Variants in TMEM135 observed in about 807,000 individuals in gnomAD.
TMEM135 encodes peroxisomal membrane protein 52.
In TMEM135, 30 loss-of-function variants were observed where a neutral mutation model predicts 60.3. The observed-to-expected ratio is 0.50, with a 90% CI of 0.37 to 0.68. The LOEUF is 0.68. Among genes scored for constraint, TMEM135 ranks in the 30% least tolerant of loss-of-function variants. TMEM135 has a pLI of 0.00. For synonymous variants in TMEM135, 190 were observed against 186.7 expected (o/e 1.02, Z -0.14); for missense variants, 468 against 548.8 (o/e 0.85, Z 1.47).
At chr11:87,068,539 G>C (rs79153954) in intron 2 of TMEM135, among the ~76,000 whole-genome samples, 1 of 152,058 alleles carries the variant, frequency 6.6e-6, no homozygotes, top group African/African-American at 2.4e-5. Flanking sequence ...GACCGGGCGC[G>C]GTGGCTCACG....
intron 1 of TMEM135, 148 bp from the exon 2 acceptor site, chr11:87,067,546 C>A: frequency 9.7e-7 from 1 of 1,031,458 alleles, no homozygotes. Context: ...CTATCCTGAA[C>A]ATTGTATTTT....
chr11:87,125,583 G>A (rs564877), intron 4 of TMEM135, among the ~76,000 whole-genome samples: 72,471 of 152,076 alleles, frequency 0.48, 17,564 homozygotes, highest in East Asian at 0.67. Context: ...AAATGAGGTT[G>A]GAAAGATAGA....
intron 6 of TMEM135, among the ~76,000 whole-genome samples, chr11:87,276,061 T>A (rs1941960948): frequency 6.6e-6 from 1 of 152,202 alleles, no homozygotes; most frequent in Non-Finnish European, 1.5e-5. Context: ...ATTTTTTGCA[T>A]TTTAAAATCA....
intron 3 of TMEM135, among the ~76,000 whole-genome samples, chr11:87,076,348 A>G (rs1856872524): frequency 6.6e-6 from 1 of 152,146 alleles, no homozygotes; most frequent in South Asian, 2.1e-4. Context: ...CTGACTGGCC[A>G]CTGCTGATGT....
At chr11:87,194,653 T>C (rs1243243241) in intron 5 of TMEM135, among the ~76,000 whole-genome samples, 1 of 152,176 alleles carries the variant, frequency 6.6e-6, no homozygotes, top group Non-Finnish European at 1.5e-5. Flanking sequence ...GCCTTCTTGT[T>C]CCTAATTTAT....
In TMEM135 at chr11:87,239,762, T is replaced by G. The variant is rs1044977352; in HGVS notation, c.509+3078T>G. 7.3e-5 allele frequency among the ~76,000 whole-genome samples: 11 copies of G among 151,526 alleles called. No homozygotes were observed. The South Asian group carries it at 1.9e-3, about 26-fold the overall frequency. ...AAGAAAATATGCCAGTTTTTTTTTT[T>G]TCAAAGAAAGAACTTGAGAAGTAGT... is the stretch of plus-strand genomic sequence containing the variant. On this transcript the variant is annotated intron_variant, in intron 6 of 14. Coordinates refer to ENST00000305494, the MANE Select transcript of TMEM135 (RefSeq NM_022918.4).
intron 1 of TMEM135, among the ~76,000 whole-genome samples, chr11:87,039,127 T>C (rs1305122325): frequency 6.6e-6 from 1 of 152,224 alleles, no homozygotes; most frequent in East Asian, 1.9e-4. Flanking sequence ...TTATTTCTCA[T>C]TGAAGTAATT....
intron 6 of TMEM135, among the ~76,000 whole-genome samples, chr11:87,271,356 C>T (rs924345376): frequency 2.0e-5 from 3 of 152,042 alleles, no homozygotes; most frequent in African/African-American, 4.8e-5. Flanking sequence ...ATTTTATTAC[C>T]ACCCTATGAA....
At chr11:87,162,276 G>C (rs868040172) in intron 5 of TMEM135, among the ~76,000 whole-genome samples, 5 of 151,806 alleles carry the variant, frequency 3.3e-5, no homozygotes, top group South Asian at 2.1e-4. Context: ...GAACGTGCAG[G>C]TTTGTTGCAT....
chr11:87,259,223 T>C (rs570864840), intron 6 of TMEM135: 26 of 477,028 alleles, frequency 5.5e-5, no homozygotes, highest in African/African-American at 4.2e-4. Flanking sequence ...TTGGGAGCAA[T>C]TCCTCCGGGG....
At chr11:87,189,345 G>T (rs1196849100) in intron 5 of TMEM135, among the ~76,000 whole-genome samples, 1 of 152,038 alleles carries the variant, frequency 6.6e-6, no homozygotes, top group African/African-American at 2.4e-5. Flanking sequence ...ATTTTTAGTA[G>T]AGACGGGGTT....
chr11:87,112,938 C>G lies in TMEM135; in HGVS notation c.396+21543C>G, dbSNP rs78363187. Among the ~76,000 whole-genome samples, 1,130 of 151,946 alleles carry G rather than the reference C, an allele frequency of 7.4e-3. 15 individuals carry two copies. Among genetic ancestry groups the G allele is most frequent in the African/African-American group, 0.025 (1,039 of 41,460 alleles). ...GAAATGATTAATTGAGGAATTATGCCTAGATGTATCCTATAATGCATAGAT... is the reference window on the plus strand; with the variant it reads ...GAAATGATTAATTGAGGAATTATGCGTAGATGTATCCTATAATGCATAGAT... On this transcript the variant is annotated intron_variant, in intron 4 of 14. Coordinates refer to ENST00000305494, the MANE Select transcript of TMEM135 (RefSeq NM_022918.4).
chr11:87,118,015 A>G (rs1472583088), intron 4 of TMEM135, among the ~76,000 whole-genome samples: 1 of 152,210 alleles, frequency 6.6e-6, no homozygotes, highest in Admixed American at 6.5e-5. Context: ...AACAACATTA[A>G]TCTTGTACAT....
rs1938039397 is a variant in TMEM135 at position 87,134,584 on chromosome 11, T to C, written c.397-22757T>C. Among the ~76,000 whole-genome samples the C allele has an allele frequency of 3.9e-5, 6 of 152,306 alleles. No homozygotes were observed. The South Asian group carries it at 1.2e-3, about 32-fold the overall frequency. ...TGCAATGCAAACTCCTGGGCTCAGATGATCCTTTCACCTCAGACTCCTGAG... is the reference window on the plus strand; with the variant it reads ...TGCAATGCAAACTCCTGGGCTCAGACGATCCTTTCACCTCAGACTCCTGAG... On this transcript the variant is annotated intron_variant, in intron 4 of 14. Coordinates refer to ENST00000305494, the MANE Select transcript of TMEM135 (RefSeq NM_022918.4).
At chr11:87,189,170 T>C (rs1160067833) in intron 5 of TMEM135, among the ~76,000 whole-genome samples, 3 of 151,610 alleles carry the variant, frequency 2.0e-5, no homozygotes, top group Non-Finnish European at 4.4e-5. Flanking sequence ...TTCCCTTTCC[T>C]TTCTTTGCTT....
At chr11:87,091,560 G>A (rs1857204930) in intron 4 of TMEM135, among the ~76,000 whole-genome samples, 165 bp downstream of exon 4, 1 of 152,048 alleles carries the variant, frequency 6.6e-6, no homozygotes, top group Admixed American at 6.6e-5. Context: ...ATACCATCTG[G>A]TTTGTTCCAT....
intron 4 of TMEM135, among the ~76,000 whole-genome samples, chr11:87,133,506 A>T (rs572024104): frequency 2.6e-5 from 4 of 152,350 alleles, no homozygotes; most frequent in South Asian, 2.1e-4. Flanking sequence ...TTCTGAAGTT[A>T]CTTACTCTTG....
In TMEM135 at chr11:87,328,824, C is replaced by A. The variant is rs926048906; in HGVS notation, c.*7491C>A. ...ACAATAAAAATATATATACGAGTGT[C>A]TTTTATGGTAGATCTCCTTTTAGTT... is the stretch of plus-strand genomic sequence containing the variant. On this transcript the variant is annotated 3_prime_UTR_variant, in exon 15 of 15. Coordinates refer to ENST00000305494, the MANE Select transcript of TMEM135 (RefSeq NM_022918.4). The A allele has an allele frequency of 4.4e-6, 2 of 453,904 alleles. No homozygotes were observed. The highest frequency in any genetic ancestry group is 8.8e-6 in the Non-Finnish European group (2 of 226,782). The allele number at this position is 453,904 out of a possible 1,614,324, so 28.1% of individuals were successfully genotyped here.
chr11:87,042,769 T>C (rs546054891), intron 1 of TMEM135, among the ~76,000 whole-genome samples: 1 of 151,538 alleles, frequency 6.6e-6, no homozygotes, highest in African/African-American at 2.5e-5. Flanking sequence ...TCTTGTTCTA[T>C]ACATTTGCCC....
Sources: allele counts gnomAD v4.1 joint callset (sites outside exome capture counted in the v4.1 genomes callset), GRCh38; gene constraint gnomAD v4.1.1; transcripts MANE v1.5; gene names NCBI Gene and HGNC (gene_info 2026-07-23, HGNC 2026-07-21).